Variants in FGF10 observed in about 807,000 individuals in gnomAD.
The protein encoded by FGF10 is FGF-10.
FGF10 carries 2 observed loss-of-function variants against 19.8 expected under a neutral mutation model. That is an observed-to-expected ratio of 0.10 (90% CI 0.04 to 0.32). The LOEUF (loss-of-function observed/expected upper bound fraction) is 0.32, where lower values mean the gene tolerates loss of function less well. FGF10 is among the 10% of genes least tolerant of loss of function. The pLI is 1.00. For synonymous variants in FGF10, 112 were observed against 94.0 expected (o/e 1.19, Z -1.10); for missense variants, 191 against 246.3 (o/e 0.78, Z 1.50).
intron 1 of FGF10, among the ~76,000 whole-genome samples, chr5:44,373,882 C>T (rs2111892990): frequency 6.6e-6 from 1 of 152,210 alleles, no homozygotes; most frequent in South Asian, 2.1e-4. Context: ...TGTCCACGTC[C>T]CAAGCCACTT....
At chr5:44,354,753 A>G (rs1266404408) in intron 1 of FGF10, among the ~76,000 whole-genome samples, 7 of 151,478 alleles carry the variant, frequency 4.6e-5, no homozygotes, top group African/African-American at 1.7e-4. Context: ...TAAATTTGTG[A>G]TGGATAAAAC....
rs185980718 is a variant in FGF10 at position 44,383,839 on chromosome 5, C to T, written c.325+4519G>A. 6.6e-4 allele frequency among the ~76,000 whole-genome samples: 100 copies of T among 152,106 alleles called. 1 individual carries two copies. Among genetic ancestry groups the T allele is most frequent in the Non-Finnish European group, 7.4e-5 (5 of 67,904 alleles). On this transcript the variant is annotated intron_variant, in intron 1 of 2. Transcript: ENST00000264664. ...AACTGAAATAAGATACCAGTGGAAGCCATAAATTGTTTTTCTTCACAGAAA... is the reference window on the plus strand; with the variant it reads ...AACTGAAATAAGATACCAGTGGAAGTCATAAATTGTTTTTCTTCACAGAAA...
chr5:44,307,819 A>G (rs1201509158), intron 2 of FGF10, among the ~76,000 whole-genome samples: 1 of 152,210 alleles, frequency 6.6e-6, no homozygotes, highest in Non-Finnish European at 1.5e-5. Context: ...ATTTGAACAA[A>G]CCATAATTTT....
chr5:44,341,504 A>C (rs975836492), intron 1 of FGF10, among the ~76,000 whole-genome samples: 55 of 151,524 alleles, frequency 3.6e-4, no homozygotes, highest in Middle Eastern at 3.4e-3. Context: ...TAAAAAAAAA[A>C]CATAAACCTG....
chr5:44,350,685 G>C (rs1328649480), intron 1 of FGF10, among the ~76,000 whole-genome samples: 1 of 150,402 alleles, frequency 6.6e-6, no homozygotes, highest in Non-Finnish European at 1.5e-5. Context: ...AATTTAAAAT[G>C]ATGTATCAAA....
At chr5:44,369,152 G>T (rs1296880570) in intron 1 of FGF10, among the ~76,000 whole-genome samples, 4 of 152,100 alleles carry the variant, frequency 2.6e-5, no homozygotes, top group African/African-American at 9.7e-5. Flanking sequence ...GGTGGACAGA[G>T]TCACAGCTTT....
chr5:44,364,038 A>G (rs972971688), intron 1 of FGF10, among the ~76,000 whole-genome samples: 3 of 151,846 alleles, frequency 2.0e-5, no homozygotes, highest in African/African-American at 7.2e-5. Flanking sequence ...AAAGAAAGAA[A>G]ACACCAGGGC....
intron 1 of FGF10, among the ~76,000 whole-genome samples, chr5:44,353,032 G>T (rs1741270120): frequency 6.6e-6 from 1 of 151,630 alleles, no homozygotes; most frequent in South Asian, 2.1e-4. Context: ...ATCTGTAGGT[G>T]CAATGAAACC....
At chr5:44,350,119 T>C (rs1741199050) in intron 1 of FGF10, among the ~76,000 whole-genome samples, 1 of 150,972 alleles carries the variant, frequency 6.6e-6, no homozygotes. Flanking sequence ...AATAAGAATA[T>C]CAAACAGGAT....
chr5:44,330,921 C>A (rs548887316), intron 1 of FGF10, among the ~76,000 whole-genome samples: 3 of 152,032 alleles, frequency 2.0e-5, no homozygotes, highest in East Asian at 1.9e-4. Flanking sequence ...AAAAAATGGA[C>A]GTTTTCTTCA....
At chr5:44,339,040 A>G (rs1036403723) in intron 1 of FGF10, among the ~76,000 whole-genome samples, 10 of 152,298 alleles carry the variant, frequency 6.6e-5, no homozygotes, top group African/African-American at 1.9e-4. Context: ...AATTTTAAAC[A>G]GCTTCTTTCC....
At chr5:44,349,361 T>C (rs546908212) in intron 1 of FGF10, among the ~76,000 whole-genome samples, 140 of 142,918 alleles carry the variant, frequency 9.8e-4, no homozygotes, top group African/African-American at 3.5e-3. Context: ...TTAAGGTCTT[T>C]GTGGTCTTAA....
intron 1 of FGF10, among the ~76,000 whole-genome samples, chr5:44,337,312 T>A (rs1407120578): frequency 1.3e-5 from 2 of 152,318 alleles, no homozygotes; most frequent in East Asian, 3.9e-4. Context: ...GATCTCATTA[T>A]GATCAATTGA....
intron 1 of FGF10, among the ~76,000 whole-genome samples, chr5:44,358,715 C>G (rs1444339886): frequency 6.6e-6 from 1 of 151,484 alleles, no homozygotes; most frequent in Non-Finnish European, 1.5e-5. Flanking sequence ...CTAGCTCACC[C>G]CAGGCTTGCA....
chr5:44,320,606 GTGA>G (rs1358209060), intron 1 of FGF10, among the ~76,000 whole-genome samples: 1 of 152,194 alleles, frequency 6.6e-6, no homozygotes, highest in Non-Finnish European at 1.5e-5. Context: ...TGTATAATAT[GTGA>G]TGACTGGCTA....
chr5:44,356,920 C>T (rs1020846269), intron 1 of FGF10, among the ~76,000 whole-genome samples: 6 of 151,238 alleles, frequency 4.0e-5, no homozygotes, highest in African/African-American at 1.5e-4. Flanking sequence ...AAAAGAATTA[C>T]ACACTTCAAA....
chr5:44,358,432 C>T (rs918004072), intron 1 of FGF10, among the ~76,000 whole-genome samples: 3 of 151,410 alleles, frequency 2.0e-5, no homozygotes, highest in Non-Finnish European at 4.4e-5. Flanking sequence ...GCTTAATAAG[C>T]ACATATTTGA....
chr5:44,341,598 C>A (rs183527213), intron 1 of FGF10, among the ~76,000 whole-genome samples: 1 of 151,876 alleles, frequency 6.6e-6, no homozygotes, highest in East Asian at 1.9e-4. Flanking sequence ...ACATAATAGA[C>A]CAACTTACTG....
chr5:44,318,740 T>G (rs1030292437), intron 1 of FGF10, among the ~76,000 whole-genome samples: 1 of 152,178 alleles, frequency 6.6e-6, no homozygotes, highest in Non-Finnish European at 1.5e-5. Context: ...AGATCTATTA[T>G]GATACAGAAG....
Sources: allele counts gnomAD v4.1 joint callset (sites outside exome capture counted in the v4.1 genomes callset), GRCh38; gene constraint gnomAD v4.1.1; transcripts MANE v1.5; gene names NCBI Gene and HGNC (gene_info 2026-07-23, HGNC 2026-07-21).